The following SMIM24 variants were observed in gnomAD, a reference collection of about 807,000 sequenced individuals.
The protein encoded by SMIM24 is MAP17-related dimer.
Under a neutral mutation model 10.8 loss-of-function variants are expected in SMIM24, and 6 were observed. That is an observed-to-expected ratio of 0.55 (90% CI 0.30 to 1.09). The LOEUF is 1.09. SMIM24 is among the 50% of genes least tolerant of loss of function. SMIM24 has a pLI of 0.06. For synonymous variants in SMIM24, 71 were observed against 62.4 expected (o/e 1.14, Z -0.65); for missense variants, 151 against 153.4 (o/e 0.98, Z 0.08).
intron 3 of SMIM24, among the ~76,000 whole-genome samples, chr19:3,477,289 T>TGGAC (rs2082797056): frequency 8.7e-6 from 1 of 114,602 alleles, no homozygotes; most frequent in African/African-American, 3.5e-5. Context: ...GATGGATGGA[T>TGGAC]GGATGGATGG....
intron 3 of SMIM24, among the ~76,000 whole-genome samples, chr19:3,477,392 A>G (rs1185009040): frequency 1.7e-5 from 2 of 121,040 alleles, no homozygotes; most frequent in East Asian, 3.0e-4. Flanking sequence ...GGGGGTGATG[A>G]ATGGATGGGT....
Position 3,474,472 on chromosome 19 carries a change from C to T in SMIM24, c.*371G>A. 9.3e-6 allele frequency: 2 copies of T among 215,030 alleles called. No individual in the cohort carries two copies. The highest frequency in any genetic ancestry group is 1.1e-4 in the South Asian group (1 of 9,410). The allele number at this position is 215,030 out of a possible 1,614,324, so 13.3% of individuals were successfully genotyped here. ...AGCAGCTCTCAGCTGGCAGTGGGTG[C>T]ATGGGAGAGGGGAAGTTCTGTTCAG... On this transcript the variant is annotated 3_prime_UTR_variant, in exon 4 of 4. Coordinates refer to ENST00000215531, the MANE Select transcript of SMIM24 (RefSeq NM_001136503.2).
chr19:3,479,071 A>G, intron 1 of SMIM24, 142 bp from the exon 2 acceptor site: 1 of 546,454 alleles, frequency 1.8e-6, no homozygotes, highest in South Asian at 2.0e-5. Flanking sequence ...AGCTTCAGAG[A>G]CCTGGATGGC....
intron 3 of SMIM24, 74 bp downstream of exon 3, chr19:3,478,345 G>T: frequency 7.3e-7 from 1 of 1,372,120 alleles, no homozygotes; most frequent in South Asian, 1.3e-5. Context: ...GGACAGCAAG[G>T]TCATCTGCGC....
intron 3 of SMIM24, among the ~76,000 whole-genome samples, chr19:3,476,033 G>C (rs886758180): frequency 1.3e-5 from 2 of 152,058 alleles, no homozygotes; most frequent in Non-Finnish European, 2.9e-5. Flanking sequence ...GTGGATGGGG[G>C]TATGCAGAAT....
At position 3,474,741 on chromosome 19, in the gene SMIM24, C is replaced by T; in HGVS notation, c.*102G>A. The T allele has an allele frequency of 1.4e-6, 2 of 1,396,962 alleles. No individual in the cohort carries two copies. Among genetic ancestry groups the T allele is most frequent in the Non-Finnish European group, 1.9e-6 (2 of 1,052,878 alleles). 86.5% of individuals were successfully genotyped at this position (1,396,962 alleles called of 1,614,324 possible). ...CACTTGAGAACACTGTATTCTGAATCCCAGATGGAGTCATTTCACGGGCTT... is the reference window on the plus strand; with the variant it reads ...CACTTGAGAACACTGTATTCTGAATTCCAGATGGAGTCATTTCACGGGCTT... On this transcript the variant is annotated 3_prime_UTR_variant, in exon 4 of 4. Coordinates refer to ENST00000215531, the MANE Select transcript of SMIM24 (RefSeq NM_001136503.2).
chr19:3,476,831 T>C (rs948502249), intron 3 of SMIM24, among the ~76,000 whole-genome samples: 10 of 137,022 alleles, frequency 7.3e-5, no homozygotes, highest in African/African-American at 2.8e-4. Flanking sequence ...AATGAGTGAA[T>C]AGATGGGTGA....
At chr19:3,477,460 A>G (rs2082798083) in intron 3 of SMIM24, among the ~76,000 whole-genome samples, 1 of 130,134 alleles carries the variant, frequency 7.7e-6, no homozygotes, top group African/African-American at 3.0e-5. Context: ...GGGTGAGTGA[A>G]CAGATGGGTG....
intron 3 of SMIM24, among the ~76,000 whole-genome samples, chr19:3,475,801 T>G (rs1216076963): frequency 2.0e-5 from 3 of 150,530 alleles, no homozygotes; most frequent in Non-Finnish European, 4.4e-5. Flanking sequence ...AGTGAGTGTG[T>G]GGGTGGGCGG....
At position 3,477,268 on chromosome 19, in the gene SMIM24, GTGGATGGATGGA is replaced by G. The variant is rs147781591; in HGVS notation, c.239+1139_239+1150del. On this transcript the variant is annotated intron_variant, in intron 3 of 3. Transcript: ENST00000215531. ...AATGGATGGGTTGGGGGATGGGTGA[GTGGATGGATGGA>G]TGGATGGATGGATGGATGGATGGAT... 7.8e-4 allele frequency among the ~76,000 whole-genome samples: 58 copies of G among 74,704 alleles called. 1 individual carries two copies. The highest frequency in any genetic ancestry group is 2.2e-3 in the Admixed American group (14 of 6,376). 49.0% of individuals were successfully genotyped at this position (74,704 alleles called of 152,430 possible). A position where few individuals can be genotyped will look rare whatever the true frequency, so the allele number is the denominator to read the frequency against.
chr19:3,477,239 G>A (rs2122019941), intron 3 of SMIM24, among the ~76,000 whole-genome samples: 2 of 138,090 alleles, frequency 1.4e-5, no homozygotes, highest in Middle Eastern at 4.9e-3. Context: ...TGGACGGGTT[G>A]GTGAATGGAT....
chr19:3,474,874 T>G lies in SMIM24; in HGVS notation c.362A>C (p.Asp121Ala). Residue 121 changes from aspartate to alanine, a missense_variant, in exon 4 of 4, where the codon GAC becomes GCC. Coordinates refer to ENST00000215531, the MANE Select transcript of SMIM24 (RefSeq NM_001136503.2). Reference sequence around the variant, plus strand: ...GACTGTGCTCTTTGCTCTCTCATGGTCTCCGGGCTCTTTTTCCTCCAGATC... The same window carrying G: ...GACTGTGCTCTTTGCTCTCTCATGGGCTCCGGGCTCTTTTTCCTCCAGATC... ...GLDLEEKEPG[D>A]HERAKSTVM The G allele has an allele frequency of 1.9e-6, 3 of 1,551,674 alleles. No homozygotes were observed. The highest frequency in any genetic ancestry group is 2.6e-6 in the Non-Finnish European group (3 of 1,146,984).
In SMIM24 at chr19:3,474,914, T is replaced by C; in HGVS notation, c.322A>G (p.Ser108Gly). ...KEKKTAKEGE[S>G]NLGLDLEEKE... Reference sequence around the variant, plus strand: ...TCCTCCAGATCCAGTCCCAAGTTGCTCTCTCCTTCCTTTGCTGTCTTTTTC... The same window carrying C: ...TCCTCCAGATCCAGTCCCAAGTTGCCCTCTCCTTCCTTTGCTGTCTTTTTC... The change falls in exon 4 of 4, where the codon AGC (serine) becomes GGC (glycine). Residue 108 changes from serine (S) to glycine (G), a missense_variant. By Grantham distance (56) the Ser-to-Gly change is moderately conservative. Coordinates refer to ENST00000215531, the MANE Select transcript of SMIM24 (RefSeq NM_001136503.2). The C allele has an allele frequency of 6.4e-7, 1 of 1,551,640 alleles. No individual in the cohort carries two copies. The highest frequency in any genetic ancestry group is 8.7e-7 in the Non-Finnish European group (1 of 1,146,986).
chr19:3,476,248 G>GTA (rs988002221), intron 3 of SMIM24, among the ~76,000 whole-genome samples: 18 of 151,922 alleles, frequency 1.2e-4, no homozygotes, highest in African/African-American at 4.4e-4. Flanking sequence ...GAATGAGACT[G>GTA]TAGGTGGGTG....
chr19:3,474,327 C>T lies in SMIM24; in HGVS notation c.*516G>A, dbSNP rs551291636. 6.4e-6 allele frequency: 1 copy of T among 157,398 alleles called. No homozygotes were observed. Among genetic ancestry groups the T allele is most frequent in the Non-Finnish European group, 1.4e-5 (1 of 70,990 alleles). The allele number at this position is 157,398 out of a possible 1,614,324, so 9.8% of individuals were successfully genotyped here. On this transcript the variant is annotated 3_prime_UTR_variant, in exon 4 of 4. Coordinates refer to ENST00000215531, the MANE Select transcript of SMIM24 (RefSeq NM_001136503.2). The stretch of plus-strand genomic sequence containing the variant: ...GCACCCTGAGCCTCCATATCATCCG[C>T]CCAGCCATCGCCCGCAGCCCCAAAA...
intron 3 of SMIM24, among the ~76,000 whole-genome samples, chr19:3,477,793 G>C (rs2082800339): frequency 6.8e-6 from 1 of 147,354 alleles, no homozygotes; most frequent in African/African-American, 2.5e-5. Context: ...GGGTGGATGA[G>C]TGGATGATGG....
At chr19:3,477,267 AGTGG>A (rs1455529297) in intron 3 of SMIM24, among the ~76,000 whole-genome samples, 1 of 26,088 alleles carries the variant, frequency 3.8e-5, no homozygotes, top group Non-Finnish European at 7.7e-5. Flanking sequence ...GGGATGGGTG[AGTGG>A]ATGGATGGAT....
rs1282128284 is a variant in SMIM24, at chr19:3,478,692, G to A, written c.179+126C>T. 3 of 876,846 alleles carry A rather than the reference G, an allele frequency of 3.4e-6. No homozygotes were observed. The Admixed American group carries it at 7.9e-5, about 23-fold the overall frequency. 54.3% of individuals were successfully genotyped at this position (876,846 alleles called of 1,614,324 possible). A position where few individuals can be genotyped will look rare whatever the true frequency, so the allele number is the denominator to read the frequency against. ...GATCTGGGCTCTGAGAGTAGAGGTT[G>A]GAGGAGCAGCAGGGAAATGGGAGAC... On this transcript the variant is annotated intron_variant, in intron 2 of 3. Coordinates refer to ENST00000215531, the MANE Select transcript of SMIM24 (RefSeq NM_001136503.2).
chr19:3,479,175 A>T (rs997148760), intron 1 of SMIM24: 10 of 373,476 alleles, frequency 2.7e-5, no homozygotes, highest in Admixed American at 4.5e-5. Flanking sequence ...CTTATAAAAG[A>T]AGGGGGGCTT....
Sources: gnomAD v4.1 joint callset for allele counts (sites outside exome capture counted in the v4.1 genomes callset) on GRCh38, gnomAD v4.1.1 for gene constraint, MANE v1.5 for transcripts, NCBI Gene and HGNC (gene_info 2026-07-23, HGNC 2026-07-21) for gene names.